The following ARHGAP24 variants were observed in gnomAD, a reference collection of about 807,000 sequenced individuals.
The protein encoded by ARHGAP24 is rho GTPase-activating protein 24.
ARHGAP24 carries 50 observed loss-of-function variants against 76.4 expected under a neutral mutation model. That is an observed-to-expected ratio of 0.65 (90% confidence interval 0.52 to 0.83). The LOEUF (loss-of-function observed/expected upper bound fraction) is 0.83, where lower values mean the gene tolerates loss of function less well. ARHGAP24 is among the 40% of genes least tolerant of loss of function. The probability of loss-of-function intolerance (pLI) is 0.00; values close to 1 mark genes in which losing one functional copy is unlikely to be tolerated. For missense variants in ARHGAP24, 930 were observed against 914.2 expected, an observed-to-expected ratio of 1.02 and a Z score of -0.22; for synonymous variants, 345 against 323.3, an observed-to-expected ratio of 1.07 and a Z score of -0.72.
intron 3 of ARHGAP24, among the ~76,000 whole-genome samples, chr4:85,770,851 T>C (rs1254855616): frequency 6.6e-6 from 1 of 152,198 alleles, no homozygotes; most frequent in Non-Finnish European, 1.5e-5. Context: ...GTAAGGAAAC[T>C]TTCCATATAA....
chr4:85,928,916 A>G (rs1736166818), intron 4 of ARHGAP24, among the ~76,000 whole-genome samples: 1 of 152,244 alleles, frequency 6.6e-6, no homozygotes, highest in South Asian at 2.1e-4. Context: ...TACAATGAGT[A>G]ATTGGTATGC....
intron 3 of ARHGAP24, among the ~76,000 whole-genome samples, chr4:85,794,088 G>C (rs1193292088): frequency 6.6e-6 from 1 of 152,038 alleles, no homozygotes; most frequent in Non-Finnish European, 1.5e-5. Context: ...TCATAGAGAG[G>C]GATAAAACTA....
rs774717006 is a variant in ARHGAP24, at chr4:85,743,392, C to CAAAAAA, written c.268+21456_268+21461dup. 1.8e-4 allele frequency among the ~76,000 whole-genome samples: 8 copies of CAAAAAA among 43,378 alleles called. 1 individual carries two copies. Among genetic ancestry groups the CAAAAAA allele is most frequent in the East Asian group, 1.2e-3 (1 of 822 alleles). The allele number at this position is 43,378 out of a possible 152,430, so 28.5% of individuals were successfully genotyped here. Reference sequence around the variant, plus strand: ...AAGACGCCAAGGCGGGATCCCATCTCAAAAAAAAAAAAAAAAAAAAAAAAA... The same window carrying CAAAAAA: ...AAGACGCCAAGGCGGGATCCCATCTCAAAAAAAAAAAAAAAAAAAAAAAAAAAAAAA... On this transcript the variant is annotated intron_variant, in intron 3 of 9. Coordinates refer to ENST00000395184, the MANE Select transcript of ARHGAP24 (RefSeq NM_001025616.3).
rs187049238 is a variant in ARHGAP24 at position 85,732,757 on chromosome 4, G to A, written c.268+10785G>A. Among the ~76,000 whole-genome samples the A allele has an allele frequency of 2.4e-3, 359 of 146,884 alleles. 1 individual carries two copies. The highest frequency in any genetic ancestry group is 8.8e-3 in the African/African-American group (350 of 39,982). On this transcript the variant is annotated intron_variant, in intron 3 of 9. Coordinates refer to ENST00000395184, the MANE Select transcript of ARHGAP24 (RefSeq NM_001025616.3). ...TGCCCAGGCTGGAGTGCAATGGTGT[G>A]ATCTCAGCTCACTGCAACCTCCACC...
intron 3 of ARHGAP24, among the ~76,000 whole-genome samples, chr4:85,811,273 A>T (rs1729000342): frequency 6.6e-6 from 1 of 152,224 alleles, no homozygotes; most frequent in East Asian, 1.9e-4. Context: ...CCTATAAAAT[A>T]TTTTAAATAC....
intron 3 of ARHGAP24, among the ~76,000 whole-genome samples, chr4:85,804,285 A>G (rs1042359671): frequency 3.3e-5 from 5 of 152,214 alleles, no homozygotes; most frequent in Admixed American, 2.0e-4. Context: ...CCAATAACTT[A>G]GTGAATGATA....
intron 2 of ARHGAP24, among the ~76,000 whole-genome samples, chr4:85,594,004 T>C (rs1461317925): frequency 6.6e-6 from 1 of 152,108 alleles, no homozygotes; most frequent in East Asian, 1.9e-4. Context: ...CATTGGTATT[T>C]TTATAGGGAT....
At chr4:85,596,008 T>C (rs1205787121) in intron 2 of ARHGAP24, among the ~76,000 whole-genome samples, 1 of 151,952 alleles carries the variant, frequency 6.6e-6, no homozygotes, top group African/African-American at 2.4e-5. Context: ...CTAGGATGCA[T>C]GTAGATACGT....
chr4:85,629,770 A>G (rs1381154160), intron 2 of ARHGAP24, among the ~76,000 whole-genome samples: 4 of 152,060 alleles, frequency 2.6e-5, no homozygotes, highest in Admixed American at 1.3e-4. Flanking sequence ...TCCAAATTCT[A>G]TCTTTGTCTT....
rs761238473 is a variant in ARHGAP24 at position 85,972,053 on chromosome 4, C to T, written c.617C>T (p.Thr206Met). 23 of 1,614,052 alleles carry T rather than the reference C, an allele frequency of 1.4e-5. No homozygotes were observed. Among genetic ancestry groups the T allele is most frequent in the East Asian group, 4.5e-5 (2 of 44,870 alleles). ...PSFDSNTDVH[T>M]VASLLKLYLR... ...CTCCACAGCAACACAGATGTACACA[C>T]GGTGGCATCACTTCTTAAGCTGTAC... is the stretch of plus-strand genomic sequence containing the variant. The change falls in exon 6 of 10, where the codon ACG becomes ATG. Residue 206 changes from threonine (T) to methionine (M), a missense_variant. Transcript: ENST00000395184.
intron 1 of ARHGAP24, among the ~76,000 whole-genome samples, chr4:85,521,175 G>A (rs545641191): frequency 6.6e-6 from 1 of 151,992 alleles, no homozygotes; most frequent in East Asian, 1.9e-4. Context: ...TTTACTAATG[G>A]CCCCAATACA....
At chr4:85,908,155 A>T (rs1039957404) in intron 3 of ARHGAP24, among the ~76,000 whole-genome samples, 3 of 152,188 alleles carry the variant, frequency 2.0e-5, no homozygotes, top group African/African-American at 7.2e-5. Context: ...TTGTCAAAAC[A>T]CTTTTCAAGT....
rs1225785610 is a variant in ARHGAP24, at chr4:85,663,338, A to G, written c.181-58547A>G. On this transcript the variant is annotated intron_variant, in intron 2 of 9. Transcript: ENST00000395184. ...TCTGTTTGTTTGTTATTGGTGTATA[A>G]GAATGCTTGTGATTTTTGTACATTG... Among the ~76,000 whole-genome samples, 3 of 128,120 alleles carry G rather than the reference A, an allele frequency of 2.3e-5. 1 individual carries two copies. Among genetic ancestry groups the G allele is most frequent in the Non-Finnish European group, 5.3e-5 (3 of 56,514 alleles). The allele number at this position is 128,120 out of a possible 152,430, so 84.1% of individuals were successfully genotyped here. A position where few individuals can be genotyped will look rare whatever the true frequency, so the allele number is the denominator to read the frequency against.
intron 2 of ARHGAP24, among the ~76,000 whole-genome samples, chr4:85,626,088 G>C (rs948070594): frequency 5.9e-5 from 9 of 152,026 alleles, no homozygotes; most frequent in Non-Finnish European, 1.0e-4. Flanking sequence ...TTAATATTGT[G>C]ATGTGTGAAT....
chr4:85,977,903 CTCT>C (rs1356947442), intron 8 of ARHGAP24, among the ~76,000 whole-genome samples: 1 of 152,166 alleles, frequency 6.6e-6, no homozygotes. Context: ...TACTAAACGC[CTCT>C]TCATTAGCCT....
chr4:85,549,798 C>T (rs572092543), intron 1 of ARHGAP24, among the ~76,000 whole-genome samples: 2 of 152,270 alleles, frequency 1.3e-5, no homozygotes, highest in African/African-American at 2.4e-5. Context: ...ATCTCTCGCT[C>T]CCTTCTTTGT....
intron 2 of ARHGAP24, among the ~76,000 whole-genome samples, chr4:85,621,494 A>T (rs1409337258): frequency 6.6e-6 from 1 of 152,082 alleles, no homozygotes; most frequent in Non-Finnish European, 1.5e-5. Context: ...CATTGTTTTA[A>T]TTAGCATTTC....
chr4:85,894,777 G>A (rs1265441119), intron 3 of ARHGAP24, among the ~76,000 whole-genome samples: 1 of 151,712 alleles, frequency 6.6e-6, no homozygotes, highest in African/African-American at 2.4e-5. Flanking sequence ...CCTGGACAAT[G>A]TAGCAAAAGC....
intron 3 of ARHGAP24, among the ~76,000 whole-genome samples, chr4:85,786,681 G>A (rs556692782): frequency 2.6e-5 from 4 of 152,266 alleles, no homozygotes; most frequent in South Asian, 2.1e-4. Context: ...GGGGGAAATT[G>A]TTTGGGACAA....
Sources: allele counts gnomAD v4.1 joint callset (sites outside exome capture counted in the v4.1 genomes callset), GRCh38; gene constraint gnomAD v4.1.1; transcripts MANE v1.5; gene names NCBI Gene and HGNC (gene_info 2026-07-23, HGNC 2026-07-21).